The following GTF2H2C variants were observed in gnomAD, a reference collection of about 807,000 sequenced individuals.
The protein encoded by GTF2H2C is GTF2H2 family member C.
A neutral mutation model predicts 24.8 loss-of-function variants in GTF2H2C; 5 were observed. That is an observed-to-expected ratio of 0.20 (90% CI 0.11 to 0.42). The LOEUF is 0.42. Ranked by LOEUF, GTF2H2C falls within the 20% of genes least tolerant of loss-of-function variation. GTF2H2C has a pLI of 1.00. For missense variants in GTF2H2C, 45 were observed against 169.8 expected, an observed-to-expected ratio of 0.27 and a Z score of 4.08; for synonymous variants, 14 against 52.6, an observed-to-expected ratio of 0.27 and a Z score of 3.18.
intron 1 of GTF2H2C, among the ~76,000 whole-genome samples, chr5:69,562,382 T>G (rs1770423614): frequency 1.3e-5 from 2 of 151,910 alleles, no homozygotes; most frequent in Admixed American, 6.6e-5. Context: ...GAGTTTGAGA[T>G]CAGCCTGGCA....
At chr5:69,560,880 C>G (rs1015300619) in intron 1 of GTF2H2C, among the ~76,000 whole-genome samples, 1 of 151,894 alleles carries the variant, frequency 6.6e-6, no homozygotes, top group Non-Finnish European at 1.5e-5. Flanking sequence ...TCCTCAGCCT[C>G]CCGAGTAGCT....
intron 4 of GTF2H2C, 115 bp downstream of exon 4, chr5:69,566,323 T>C (rs1047459256): frequency 6.2e-6 from 9 of 1,441,174 alleles, no homozygotes; most frequent in Non-Finnish European, 8.5e-6. Flanking sequence ...AACTGACCTA[T>C]TGCCTTCTGA....
Position 69,594,221 on chromosome 5 carries a change from T to C in GTF2H2C, c.*2023T>C, listed in dbSNP as rs1280844044. On this transcript the variant is annotated 3_prime_UTR_variant, in exon 17 of 17. Coordinates refer to ENST00000380729, the MANE Select transcript of GTF2H2C (RefSeq NM_001376000.2). ...ACAGGCGCCTGCCACCACGCCTGGC[T>C]AATTTTTGCATTTTTGGTAGAGACG... is the stretch of plus-strand genomic sequence containing the variant. The C allele has an allele frequency of 1.1e-5, 1 of 89,068 alleles. No individual in the cohort carries two copies. The highest frequency in any genetic ancestry group is 2.4e-5 in the Non-Finnish European group (1 of 40,920). The allele number at this position is 89,068 out of a possible 1,614,324, so 5.5% of individuals were successfully genotyped here.
intron 1 of GTF2H2C, among the ~76,000 whole-genome samples, chr5:69,560,761 A>C (rs552779796): frequency 1.3e-5 from 2 of 152,020 alleles, no homozygotes; most frequent in Non-Finnish European, 2.9e-5. Flanking sequence ...TCACTTAAAA[A>C]AATTTTTTTT....
chr5:69,561,245 A>G (rs888081724), intron 1 of GTF2H2C, among the ~76,000 whole-genome samples: 1 of 151,550 alleles, frequency 6.6e-6, no homozygotes, highest in Non-Finnish European at 1.5e-5. Context: ...CATTGCAGGC[A>G]GCTCTAATTA....
intron 2 of GTF2H2C, among the ~76,000 whole-genome samples, chr5:69,563,366 C>A (rs1770518222): frequency 6.6e-6 from 1 of 151,420 alleles, no homozygotes; most frequent in East Asian, 1.9e-4. Flanking sequence ...AGGCACCTGC[C>A]ACCATGCCCA....
rs1202399933 is a variant in GTF2H2C at position 69,592,908 on chromosome 5, A to T, written c.*710A>T. ...AGAGTAAGACTCCCTCTCAAAAAAAAAAAAAGTTATGAAATTAATACATAT... is the reference window on the plus strand; with the variant it reads ...AGAGTAAGACTCCCTCTCAAAAAAATAAAAAGTTATGAAATTAATACATAT... On this transcript the variant is annotated 3_prime_UTR_variant, in exon 17 of 17. Coordinates refer to ENST00000380729, the MANE Select transcript of GTF2H2C (RefSeq NM_001376000.2). The T allele has an allele frequency of 7.9e-5, 2 of 25,444 alleles. 1 individual carries two copies. The highest frequency in any genetic ancestry group is 3.3e-4 in the African/African-American group (2 of 6,122). The allele number at this position is 25,444 out of a possible 1,614,324, so 1.6% of individuals were successfully genotyped here. A position where few individuals can be genotyped will look rare whatever the true frequency, so the allele number is the denominator to read the frequency against.
At chr5:69,563,433 C>T (rs1414831294) in intron 2 of GTF2H2C, among the ~76,000 whole-genome samples, 4 of 151,858 alleles carry the variant, frequency 2.6e-5, no homozygotes, top group East Asian at 1.9e-4. Flanking sequence ...TGACTGGTCT[C>T]GAACTCCTGA....
chr5:69,568,667 T>C (rs1346335291), intron 8 of GTF2H2C: 1 of 113,774 alleles, frequency 8.8e-6, no homozygotes, highest in African/African-American at 3.4e-5. Flanking sequence ...CTGCTAATTT[T>C]TTGTATTTTA....
At chr5:69,590,046 A>G (rs1406589962) in intron 15 of GTF2H2C, among the ~76,000 whole-genome samples, 1 of 148,882 alleles carries the variant, frequency 6.7e-6, no homozygotes, top group Non-Finnish European at 1.5e-5. Flanking sequence ...CATCACGCCC[A>G]GCTAATTTTT....
At chr5:69,563,360 AC>A (rs1354752821) in intron 2 of GTF2H2C, among the ~76,000 whole-genome samples, 1 of 150,746 alleles carries the variant, frequency 6.6e-6, no homozygotes, top group Non-Finnish European at 1.5e-5. Context: ...GATTACAGGC[AC>A]CTGCCACCAT....
intron 4 of GTF2H2C, 113 bp from the exon 5 acceptor site, chr5:69,566,476 A>G (rs335259): frequency 6.6e-7 from 1 of 1,520,986 alleles, no homozygotes; most frequent in African/African-American, 1.4e-5. Context: ...GACATTCTTA[A>G]TCAGAATTAG....
At chr5:69,573,143 T>TAC (rs754356211) in intron 9 of GTF2H2C, among the ~76,000 whole-genome samples, 6,078 of 91,598 alleles carry the variant, frequency 0.066, 169 homozygotes, top group Middle Eastern at 0.071. Flanking sequence ...ATCTATTATA[T>TAC]ATACACACAC....
At chr5:69,568,404 C>T in intron 8 of GTF2H2C, 197 bp downstream of exon 8, 2 of 485,828 alleles carry the variant, frequency 4.1e-6, no homozygotes, top group Admixed American at 4.3e-5. Flanking sequence ...TTGAGTTCTG[C>T]ATCATAGTGG....
intron 2 of GTF2H2C, among the ~76,000 whole-genome samples, chr5:69,564,342 C>T (rs919211034): frequency 4.2e-5 from 6 of 143,600 alleles, no homozygotes; most frequent in South Asian, 2.3e-4. Flanking sequence ...TGGGTTTATA[C>T]CCAGTATTGG....
In GTF2H2C at chr5:69,564,907, C is replaced by G. The variant is rs563604724; in HGVS notation, c.-33-193C>G. Among the ~76,000 whole-genome samples the G allele has an allele frequency of 2.4e-3, 365 of 152,076 alleles. 2 individuals are homozygous for G. The highest frequency in any genetic ancestry group is 8.4e-3 in the African/African-American group (347 of 41,510). ...TTGGTACCAAGTTTGTGTATAAGTTCATATTATTTCTTGGAAATGAGAAAT... is the reference window on the plus strand; with the variant it reads ...TTGGTACCAAGTTTGTGTATAAGTTGATATTATTTCTTGGAAATGAGAAAT... On this transcript the variant is annotated intron_variant, in intron 2 of 16. Transcript: ENST00000380729.
intron 12 of GTF2H2C, among the ~76,000 whole-genome samples, chr5:69,581,720 G>GTAA (rs1211490402): frequency 2.2e-5 from 1 of 46,234 alleles, no homozygotes; most frequent in Admixed American, 2.7e-4. Context: ...CATTTTTTAT[G>GTAA]TAATATATCT....
intron 9 of GTF2H2C, among the ~76,000 whole-genome samples, chr5:69,573,161 C>T (rs967128705): frequency 7.0e-6 from 1 of 143,148 alleles, no homozygotes; most frequent in Non-Finnish European, 1.5e-5. Context: ...CACACACACA[C>T]ACACACACAC....
At chr5:69,577,465 G>A (rs1248115552) in intron 9 of GTF2H2C, among the ~76,000 whole-genome samples, 3 of 134,282 alleles carry the variant, frequency 2.2e-5, no homozygotes, top group African/African-American at 9.1e-5. Flanking sequence ...TCGCTCTGTC[G>A]CCCAGGCTGG....
Sources: allele counts gnomAD v4.1 joint callset (sites outside exome capture counted in the v4.1 genomes callset), GRCh38; gene constraint gnomAD v4.1.1; transcripts MANE v1.5; gene names NCBI Gene and HGNC (gene_info 2026-07-23, HGNC 2026-07-21).